Variants in ARB2A observed in about 807,000 individuals in gnomAD.
The protein encoded by ARB2A is ARB2 cotranscriptional regulator A.
the ARB2A span, among the ~76,000 whole-genome samples, chr5:94,105,183 T>C: frequency 6.6e-6 from 1 of 151,496 alleles, no homozygotes; most frequent in Non-Finnish European, 1.5e-5. Flanking sequence ...GCATCCAAAT[T>C]AAAAGGAAGT....
the ARB2A span, chr5:93,741,371 G>C: frequency 1.9e-6 from 3 of 1,611,898 alleles, no homozygotes; most frequent in African/African-American, 4.0e-5. Context: ...AGGGGACCCA[G>C]GGGAATCCTC....
the ARB2A span, among the ~76,000 whole-genome samples, chr5:93,728,234 T>TTC: frequency 6.6e-6 from 1 of 152,074 alleles, no homozygotes. Flanking sequence ...TCATTTTAAT[T>TTC]TCATATGAGA....
the ARB2A span, among the ~76,000 whole-genome samples, chr5:93,918,983 C>G: frequency 6.6e-6 from 1 of 152,126 alleles, no homozygotes; most frequent in Non-Finnish European, 1.5e-5. Flanking sequence ...TTCCCAAACT[C>G]TGATGTACAT....
At chr5:93,881,264 T>A in the ARB2A span, 1 of 399,584 alleles carries the variant, frequency 2.5e-6, no homozygotes, top group East Asian at 4.4e-5. Flanking sequence ...CATTTGTGAC[T>A]TCTATAAAAT....
the ARB2A span, among the ~76,000 whole-genome samples, chr5:93,937,746 C>A: frequency 1.3e-5 from 2 of 152,016 alleles, no homozygotes. Context: ...ATATCAAAAC[C>A]AATGGATGCT....
chr5:93,751,370 C>T, the ARB2A span, among the ~76,000 whole-genome samples: 5 of 152,080 alleles, frequency 3.3e-5, no homozygotes. Flanking sequence ...TAAACAGACA[C>T]TATGGACAGA....
chr5:93,730,835 A>G, the ARB2A span, among the ~76,000 whole-genome samples: 3 of 152,220 alleles, frequency 2.0e-5, no homozygotes, highest in Admixed American at 6.5e-5. Context: ...TTTACTGATG[A>G]GAGTTCAATT....
the ARB2A span, among the ~76,000 whole-genome samples, chr5:93,966,347 C>T: frequency 6.6e-6 from 1 of 152,032 alleles, no homozygotes; most frequent in Non-Finnish European, 1.5e-5. Context: ...TTAAATACTA[C>T]TGACCTTACA....
At chr5:93,830,313 A>ATGTGTGTGTGTG in the ARB2A span, among the ~76,000 whole-genome samples, 2 of 51,360 alleles carry the variant, frequency 3.9e-5, no homozygotes, top group Non-Finnish European at 6.8e-5. Flanking sequence ...GTGTGTGTGT[A>ATGTGTGTGTGTG]TATATATATA....
the ARB2A span, chr5:93,741,083 G>A: frequency 6.2e-7 from 1 of 1,613,920 alleles, no homozygotes; most frequent in African/African-American, 1.3e-5. Context: ...ATGGTCGTCT[G>A]GCTAAGCACC....
At chr5:93,762,571 C>A in the ARB2A span, among the ~76,000 whole-genome samples, 15 of 152,314 alleles carry the variant, frequency 9.8e-5, no homozygotes. Flanking sequence ...AAATCTATGT[C>A]TGATTGGTGT....
the ARB2A span, among the ~76,000 whole-genome samples, chr5:93,757,280 T>C: frequency 6.6e-6 from 1 of 152,134 alleles, no homozygotes. Flanking sequence ...AAGAAGAGAA[T>C]TCTAAAAGCT....
chr5:93,937,013 T>TCA, the ARB2A span, among the ~76,000 whole-genome samples: 1 of 149,450 alleles, frequency 6.7e-6, no homozygotes, highest in South Asian at 2.1e-4. Flanking sequence ...CGATCTTGGC[T>TCA]CACTGCAAGC....
At chr5:94,085,183 G>C in the ARB2A span, among the ~76,000 whole-genome samples, 2 of 152,214 alleles carry the variant, frequency 1.3e-5, no homozygotes, top group Admixed American at 6.5e-5. Flanking sequence ...CCAGGGGACA[G>C]ACATAAAAAT....
At chr5:93,765,176 T>C in the ARB2A span, among the ~76,000 whole-genome samples, 2 of 152,118 alleles carry the variant, frequency 1.3e-5, no homozygotes, top group Non-Finnish European at 2.9e-5. Context: ...TTCAACATAG[T>C]GTTGGAAGTT....
the ARB2A span, among the ~76,000 whole-genome samples, chr5:93,983,402 G>A: frequency 6.6e-6 from 1 of 152,098 alleles, no homozygotes; most frequent in Non-Finnish European, 1.5e-5. Flanking sequence ...AAATCTGCCT[G>A]ATGAGGATCC....
chr5:94,102,950 T>C, the ARB2A span, among the ~76,000 whole-genome samples: 4 of 152,170 alleles, frequency 2.6e-5, no homozygotes, highest in East Asian at 7.7e-4. Context: ...ATAAAATCCT[T>C]TTCAGATAAG....
At chr5:93,640,373 C>T in the ARB2A span, among the ~76,000 whole-genome samples, 2 of 150,076 alleles carry the variant, frequency 1.3e-5, no homozygotes, top group African/African-American at 2.5e-5. Flanking sequence ...TGCTTGAACC[C>T]GTGAGGCAGA....
the ARB2A span, among the ~76,000 whole-genome samples, chr5:93,937,666 G>A: frequency 6.6e-6 from 1 of 151,342 alleles, no homozygotes; most frequent in Non-Finnish European, 1.5e-5. Flanking sequence ...ACATATAATT[G>A]TGTGTGTGTT....
Sources: gnomAD v4.1 joint callset for allele counts (sites outside exome capture counted in the v4.1 genomes callset) on GRCh38, gnomAD v4.1.1 for gene constraint, MANE v1.5 for transcripts, NCBI Gene and HGNC (gene_info 2026-07-23, HGNC 2026-07-21) for gene names.